Variants in PIAS2 observed in about 807,000 individuals in gnomAD.
PIAS2 encodes the protein protein inhibitor of activated STAT 2, also known as E3 SUMO-protein ligase PIAS2.
Under a neutral mutation model 69.7 loss-of-function variants are expected in PIAS2, and 19 were observed. That is an observed-to-expected ratio of 0.27 (90% CI 0.19 to 0.40). The LOEUF is 0.40. Among genes scored for constraint, PIAS2 ranks in the 10% least tolerant of loss-of-function variants. PIAS2 has a pLI of 1.00. For synonymous variants in PIAS2, 261 were observed against 263.2 expected (o/e 0.99, Z 0.08); for missense variants, 624 against 757.0 (o/e 0.82, Z 2.06).
At chr18:46,911,776 C>T (rs1434456944) in intron 1 of PIAS2, among the ~76,000 whole-genome samples, 2 of 152,188 alleles carry the variant, frequency 1.3e-5, no homozygotes, top group Non-Finnish European at 2.9e-5. Context: ...CCGGGCTCAG[C>T]GGCTCATGCC....
chr18:46,824,743 T>G (rs1340551894), intron 11 of PIAS2, among the ~76,000 whole-genome samples: 1 of 151,884 alleles, frequency 6.6e-6, no homozygotes, highest in African/African-American at 2.4e-5. Context: ...CTTATGCATT[T>G]TGTAATCCTA....
intron 12 of PIAS2, chr18:46,818,234 C>A: frequency 8.2e-7 from 1 of 1,226,972 alleles, no homozygotes; most frequent in Non-Finnish European, 1.0e-6. Context: ...AAATGTTTAG[C>A]ACTTTCAAAT....
At chr18:46,909,042 C>CT (rs2056961479) in intron 1 of PIAS2, among the ~76,000 whole-genome samples, 1 of 151,876 alleles carries the variant, frequency 6.6e-6, no homozygotes, top group Non-Finnish European at 1.5e-5. Flanking sequence ...TAAAAGTGAG[C>CT]CCAATTGAAA....
chr18:46,864,528 T>C (rs1378321565), intron 2 of PIAS2, among the ~76,000 whole-genome samples: 1 of 152,180 alleles, frequency 6.6e-6, no homozygotes, highest in Admixed American at 6.5e-5. Flanking sequence ...CCCAACACTT[T>C]GGGAAGCCAA....
At position 46,809,203 on chromosome 18, in the gene PIAS2, G is replaced by A. The variant is rs1599216287; in HGVS notation, c.*3230C>T. On this transcript the variant is annotated 3_prime_UTR_variant, in exon 14 of 14. Transcript: ENST00000585916. ...ATCACATTTTCATTCTAGCTTTTCT[G>A]AAACACATTACCAGATAAATGCCAT... 1 of 152,110 alleles carries A rather than the reference G, an allele frequency of 6.6e-6. No homozygotes were observed. The highest frequency in any genetic ancestry group is 1.9e-4 in the East Asian group (1 of 5,194). The allele number at this position is 152,110 out of a possible 1,614,324, so 9.4% of individuals were successfully genotyped here. A position where few individuals can be genotyped will look rare whatever the true frequency, so the allele number is the denominator to read the frequency against.
chr18:46,877,754 G>A (rs1392491284), intron 2 of PIAS2, among the ~76,000 whole-genome samples: 3 of 152,166 alleles, frequency 2.0e-5, no homozygotes, highest in South Asian at 4.1e-4. Context: ...TGTTTGGTGT[G>A]CTCTCGCAGT....
intron 2 of PIAS2, among the ~76,000 whole-genome samples, chr18:46,882,904 C>T (rs911574640): frequency 1.3e-5 from 2 of 151,942 alleles, no homozygotes; most frequent in African/African-American, 2.4e-5. Flanking sequence ...CCAGCCTGGA[C>T]AACATGGTGA....
chr18:46,829,051 A>G (rs1281685991), intron 10 of PIAS2, among the ~76,000 whole-genome samples: 1 of 152,208 alleles, frequency 6.6e-6, no homozygotes, highest in African/African-American at 2.4e-5. Context: ...AAATGTAATC[A>G]GAACAAAACT....
At chr18:46,819,281 G>A (rs1395717024) in intron 12 of PIAS2, among the ~76,000 whole-genome samples, 1 of 152,064 alleles carries the variant, frequency 6.6e-6, no homozygotes, top group Non-Finnish European at 1.5e-5. Context: ...AAGAATCTCT[G>A]AATTTCCATC....
At chr18:46,913,915 G>C (rs1434947674) in intron 1 of PIAS2, among the ~76,000 whole-genome samples, 1 of 152,172 alleles carries the variant, frequency 6.6e-6, no homozygotes, top group Non-Finnish European at 1.5e-5. Context: ...CGATCCTCTT[G>C]CCTCTCAAAG....
intron 5 of PIAS2, among the ~76,000 whole-genome samples, chr18:46,850,363 C>T (rs641366): frequency 0.45 from 67,851 of 151,854 alleles, 15,228 homozygotes; most frequent in Middle Eastern, 0.51. Flanking sequence ...ATAAACATAA[C>T]CCCTGCCATC....
At chr18:46,856,529 T>C (rs933166112) in intron 3 of PIAS2, among the ~76,000 whole-genome samples, 1 of 152,122 alleles carries the variant, frequency 6.6e-6, no homozygotes, top group Non-Finnish European at 1.5e-5. Context: ...AATGGTCCCA[T>C]GTAAAATATA....
At chr18:46,828,153 A>T in intron 10 of PIAS2, 23 bp from the exon 11 acceptor site, 1 of 1,560,578 alleles carries the variant, frequency 6.4e-7, no homozygotes, top group African/African-American at 1.4e-5. Context: ...AAACAAAAGG[A>T]AAAAAAAATT....
Position 46,901,204 on chromosome 18 carries a change from G to A in PIAS2, c.25-10150C>T, listed in dbSNP as rs188148719. On this transcript the variant is annotated intron_variant, in intron 1 of 13. Transcript: ENST00000585916. ...AGGCCAAGGCGGGCGGATCACCTGC[G>A]GTCAGGAGTTCGAGGCCAGCCTGAC... 1.8e-3 allele frequency: 624 copies of A among 355,726 alleles called. 10 individuals are homozygous for A. The Admixed American group carries it at 0.02, about 11-fold the overall frequency. 22.0% of individuals were successfully genotyped at this position (355,726 alleles called of 1,614,324 possible). A position where few individuals can be genotyped will look rare whatever the true frequency, so the allele number is the denominator to read the frequency against.
At chr18:46,814,992 T>G (rs2041358735) in intron 13 of PIAS2, among the ~76,000 whole-genome samples, 1 of 152,354 alleles carries the variant, frequency 6.6e-6, no homozygotes, top group East Asian at 1.9e-4. Flanking sequence ...AAAATAAAAC[T>G]GTATTTGTAA....
chr18:46,820,982 TGAG>T lies in PIAS2; in HGVS notation c.1596_1598del (p.Tyr532_Ser533delinsTer). 1 of 1,613,484 alleles carries T rather than the reference TGAG, an allele frequency of 6.2e-7. No individual in the cohort carries two copies. The highest frequency in any genetic ancestry group is 8.5e-7 in the Non-Finnish European group (1 of 1,179,528). On this transcript the variant is annotated stop_gained and inframe_deletion, in exon 12 of 14. Coordinates refer to ENST00000585916, the MANE Select transcript of PIAS2 (RefSeq NM_004671.5). LOFTEE classifies it high-confidence loss of function. ...ATATTGGCGTATGGTGGAATGGTAC[TGAG>T]TAGTCTGTTAATGAAGGCGGAATAG...
chr18:46,914,315 G>A (rs1214299471), intron 1 of PIAS2, among the ~76,000 whole-genome samples: 3 of 152,006 alleles, frequency 2.0e-5, no homozygotes, highest in South Asian at 4.2e-4. Flanking sequence ...CTAAGCCCCC[G>A]GCTATGGATG....
chr18:46,832,494 GAATA>G (rs1466181221), intron 9 of PIAS2, among the ~76,000 whole-genome samples: 13 of 152,086 alleles, frequency 8.5e-5, no homozygotes, highest in African/African-American at 2.7e-4. Flanking sequence ...TACAGATGGA[GAATA>G]AATACGCAAA....
intron 3 of PIAS2, among the ~76,000 whole-genome samples, chr18:46,859,421 C>G (rs918139291): frequency 1.1e-4 from 13 of 118,834 alleles, no homozygotes; most frequent in Non-Finnish European, 1.7e-4. Context: ...GAGCGAGACT[C>G]CGTCTCAAAA....
Sources: allele counts gnomAD v4.1 joint callset (sites outside exome capture counted in the v4.1 genomes callset), GRCh38; gene constraint gnomAD v4.1.1; transcripts MANE v1.5; gene names NCBI Gene and HGNC (gene_info 2026-07-23, HGNC 2026-07-21).